The following THEMIS variants were observed in gnomAD, a reference collection of about 807,000 sequenced individuals.
THEMIS encodes thymocyte selection associated.
Under a neutral mutation model 52.6 loss-of-function variants are expected in THEMIS, and 37 were observed. That is an observed-to-expected ratio of 0.70 (90% confidence interval 0.54 to 0.93). The LOEUF is 0.93. Among genes scored for constraint, THEMIS ranks in the 40% least tolerant of loss-of-function variants. The pLI, the probability that THEMIS is intolerant of heterozygous loss-of-function variation, is 0.00. For synonymous variants in THEMIS, 292 were observed against 272.7 expected, an observed-to-expected ratio of 1.07 and a Z score of -0.70; for missense variants, 808 against 763.1, an observed-to-expected ratio of 1.06 and a Z score of -0.69.
At chr6:127,717,976 G>A (rs1318112717) in intron 5 of THEMIS, among the ~76,000 whole-genome samples, 1 of 151,636 alleles carries the variant, frequency 6.6e-6, no homozygotes, top group Non-Finnish European at 1.5e-5. Context: ...ACTCAAAGAA[G>A]GCTACTACAT....
intron 4 of THEMIS, among the ~76,000 whole-genome samples, chr6:127,794,388 C>G (rs1300487036): frequency 6.6e-6 from 1 of 152,040 alleles, no homozygotes; most frequent in Non-Finnish European, 1.5e-5. Context: ...GCCAAGATTA[C>G]TACAACAACC....
intron 1 of THEMIS, among the ~76,000 whole-genome samples, chr6:127,874,369 GTC>G (rs1329984647): frequency 6.6e-6 from 1 of 152,070 alleles, no homozygotes; most frequent in Non-Finnish European, 1.5e-5. Flanking sequence ...ACCATAAACA[GTC>G]TGTAAAGGCA....
At chr6:127,803,368 T>C (rs1469153888) in intron 4 of THEMIS, among the ~76,000 whole-genome samples, 3 of 152,166 alleles carry the variant, frequency 2.0e-5, no homozygotes, top group East Asian at 3.8e-4. Context: ...TATGCCTACT[T>C]ATCTCTCTAG....
chr6:127,716,139 G>T (rs1417240271), intron 5 of THEMIS, among the ~76,000 whole-genome samples: 2 of 151,840 alleles, frequency 1.3e-5, no homozygotes, highest in African/African-American at 4.8e-5. Context: ...AGAAAATATG[G>T]ATCAGGAGAG....
At chr6:127,875,813 G>A (rs553398364) in intron 1 of THEMIS, among the ~76,000 whole-genome samples, 1 of 152,174 alleles carries the variant, frequency 6.6e-6, no homozygotes, top group Non-Finnish European at 1.5e-5. Flanking sequence ...TCATCTATGT[G>A]TCATGTGTCA....
chr6:127,741,401 ATAGACT>A (rs1775197620), intron 4 of THEMIS, among the ~76,000 whole-genome samples: 2 of 152,224 alleles, frequency 1.3e-5, no homozygotes, highest in South Asian at 4.1e-4. Context: ...TTGCAATATT[ATAGACT>A]TAGAATCATA....
chr6:127,765,134 G>T (rs1776153233), intron 4 of THEMIS, among the ~76,000 whole-genome samples: 1 of 152,014 alleles, frequency 6.6e-6, no homozygotes, highest in African/African-American at 2.4e-5. Context: ...AAAAATATAT[G>T]AAAGGTCTCT....
intron 2 of THEMIS, 21 bp from the exon 3 acceptor site, chr6:127,829,955 AT>A (rs1399247418): frequency 6.4e-7 from 1 of 1,551,102 alleles, no homozygotes; most frequent in African/African-American, 1.4e-5. Context: ...AATTACGTGA[AT>A]TAAAAAGAGA....
intron 4 of THEMIS, among the ~76,000 whole-genome samples, chr6:127,756,152 T>C (rs956518330): frequency 2.0e-4 from 31 of 152,202 alleles, no homozygotes; most frequent in Non-Finnish European, 1.5e-5. Context: ...GGTATGCAAG[T>C]AAGTACTCAT....
At chr6:127,889,081 A>T (rs1257072699) in intron 1 of THEMIS, among the ~76,000 whole-genome samples, 1 of 152,146 alleles carries the variant, frequency 6.6e-6, no homozygotes, top group Non-Finnish European at 1.5e-5. Flanking sequence ...CAGGTGGATG[A>T]GGACATGTTC....
At chr6:127,889,154 C>T (rs1264910381) in intron 1 of THEMIS, among the ~76,000 whole-genome samples, 2 of 151,968 alleles carry the variant, frequency 1.3e-5, no homozygotes, top group Middle Eastern at 3.2e-3. Context: ...CATAGTCTAC[C>T]ATGATGAAAT....
At chr6:127,758,814 C>G (rs1775922102) in intron 4 of THEMIS, among the ~76,000 whole-genome samples, 1 of 152,046 alleles carries the variant, frequency 6.6e-6, no homozygotes, top group Non-Finnish European at 1.5e-5. Context: ...GAAAAAGAAA[C>G]TGTTTCTTTG....
At position 127,795,458 on chromosome 6, in the gene THEMIS, C is replaced by T. The variant is rs183996279; in HGVS notation, c.1758+17425G>A. On this transcript the variant is annotated intron_variant, in intron 4 of 5. Transcript: ENST00000368248. ...ATTCTCCTGCCTCAGCCTCCTGAGT[C>T]GCTGAGACTACAGGTGCCTGCCACC... Among the ~76,000 whole-genome samples, 23 of 152,136 alleles carry T rather than the reference C, an allele frequency of 1.5e-4. 1 individual carries two copies. The East Asian group carries it at 3.7e-3, about 24-fold the overall frequency.
intron 1 of THEMIS, 46 bp downstream of exon 1, chr6:127,900,796 C>A: frequency 1.9e-6 from 3 of 1,548,490 alleles, no homozygotes; most frequent in Non-Finnish European, 2.7e-6. Flanking sequence ...AAAATGTATA[C>A]TTTACAAGAA....
chr6:127,863,811 G>T (rs1779886053), intron 1 of THEMIS, among the ~76,000 whole-genome samples: 1 of 152,156 alleles, frequency 6.6e-6, no homozygotes, highest in African/African-American at 2.4e-5. Context: ...AAATCTTTGT[G>T]TGAGGAATAA....
intron 2 of THEMIS, among the ~76,000 whole-genome samples, chr6:127,842,206 T>C (rs1779072102): frequency 6.6e-6 from 1 of 152,008 alleles, no homozygotes. Context: ...AAAAATCAGC[T>C]ACAATAATAA....
At chr6:127,706,995 G>A (rs549571326), downstream of THEMIS, among the ~76,000 whole-genome samples, 1 of 152,208 alleles carries the variant, frequency 6.6e-6, no homozygotes, top group South Asian at 2.1e-4. Context: ...GCATGGCTGG[G>A]GAGGCCTCAG....
At chr6:127,880,507 C>T (rs1425067715) in intron 1 of THEMIS, among the ~76,000 whole-genome samples, 1 of 145,224 alleles carries the variant, frequency 6.9e-6, no homozygotes. Context: ...TTCAGGAGTC[C>T]TGAGGAAAAA....
At chr6:127,804,927 T>C (rs1430845326) in intron 4 of THEMIS, among the ~76,000 whole-genome samples, 1 of 152,160 alleles carries the variant, frequency 6.6e-6, no homozygotes, top group Non-Finnish European at 1.5e-5. Context: ...GTCAGAATAA[T>C]ATTGGTATCT....
Sources: allele counts gnomAD v4.1 joint callset (sites outside exome capture counted in the v4.1 genomes callset), GRCh38; gene constraint gnomAD v4.1.1; transcripts MANE v1.5; gene names NCBI Gene and HGNC (gene_info 2026-07-23, HGNC 2026-07-21).